The following INPP4B variants were observed in gnomAD, a reference collection of about 807,000 sequenced individuals.
INPP4B encodes the protein inositol polyphosphate-4-phosphatase type II B, also known as inositol polyphosphate 4-phosphatase type II.
Under a neutral mutation model 122.5 loss-of-function variants are expected in INPP4B, and 55 were observed. The observed-to-expected ratio is 0.45, with a 90% CI of 0.36 to 0.56. INPP4B has a LOEUF of 0.56. Ranked by LOEUF, INPP4B falls within the 20% of genes least tolerant of loss-of-function variation. The pLI is 0.00. For missense variants in INPP4B, 1,000 were observed against 1,097.7 expected, an observed-to-expected ratio of 0.91 and a Z score of 1.26; for synonymous variants, 403 against 388.7, an observed-to-expected ratio of 1.04 and a Z score of -0.43.
chr4:142,337,670 T>C (rs1353379819), intron 7 of INPP4B, among the ~76,000 whole-genome samples: 1 of 138,204 alleles, frequency 7.2e-6, no homozygotes. Flanking sequence ...GCATCCTTTA[T>C]TCATTATATA....
At chr4:142,251,211 T>C (rs550990368) in intron 11 of INPP4B, among the ~76,000 whole-genome samples, 1 of 152,170 alleles carries the variant, frequency 6.6e-6, no homozygotes, top group East Asian at 1.9e-4. Flanking sequence ...CTTCTTTTTG[T>C]GCATATAAAA....
At chr4:142,543,092 A>T (rs1829127059) in intron 2 of INPP4B, among the ~76,000 whole-genome samples, 4 of 152,194 alleles carry the variant, frequency 2.6e-5, no homozygotes, top group African/African-American at 9.6e-5. Flanking sequence ...CCTATTTCTC[A>T]AAGTATTGAT....
chr4:142,625,827 C>T (rs983801925), intron 2 of INPP4B, among the ~76,000 whole-genome samples: 13 of 151,994 alleles, frequency 8.6e-5, no homozygotes, highest in South Asian at 2.1e-4. Flanking sequence ...GAAATAATGC[C>T]GCATACCTAC....
At chr4:142,552,445 AAAG>A (rs1402294374) in intron 2 of INPP4B, among the ~76,000 whole-genome samples, 9 of 151,970 alleles carry the variant, frequency 5.9e-5, no homozygotes, top group South Asian at 4.2e-4. Context: ...AAAAAAACAA[AAAG>A]AAGAAGAAGT....
chr4:142,690,317 G>A (rs746450506), intron 2 of INPP4B, among the ~76,000 whole-genome samples: 14 of 152,146 alleles, frequency 9.2e-5, no homozygotes, highest in Non-Finnish European at 1.3e-4. Flanking sequence ...TGTTCTTTTG[G>A]ACTAGGGAAG....
chr4:142,433,403 C>T (rs1235116583), intron 3 of INPP4B, among the ~76,000 whole-genome samples: 4 of 152,234 alleles, frequency 2.6e-5, no homozygotes, highest in African/African-American at 9.6e-5. Flanking sequence ...AGAAGAGGTA[C>T]AAGCTGAATG....
intron 2 of INPP4B, among the ~76,000 whole-genome samples, chr4:142,515,265 T>C (rs938594633): frequency 1.1e-4 from 16 of 152,178 alleles, no homozygotes; most frequent in African/African-American, 2.9e-4. Flanking sequence ...CTCAGATGAA[T>C]TGTTTAACAT....
At position 142,258,235 on chromosome 4, in the gene INPP4B, A is replaced by C. The variant is rs571630160; in HGVS notation, c.688+2257T>G. ...GATTAAAGACTTAAACGTTACACCTAAAACCATAAAAACCCTAGAAGAAAA... is the reference window on the plus strand; with the variant it reads ...GATTAAAGACTTAAACGTTACACCTCAAACCATAAAAACCCTAGAAGAAAA... On this transcript the variant is annotated intron_variant, in intron 11 of 25. Coordinates refer to ENST00000262992, the MANE Select transcript of INPP4B (RefSeq NM_001101669.3). 1.5e-4 allele frequency among the ~76,000 whole-genome samples: 23 copies of C among 152,332 alleles called. No individual in the cohort carries two copies. The South Asian group carries it at 4.8e-3, about 32-fold the overall frequency.
intron 1 of INPP4B, among the ~76,000 whole-genome samples, chr4:142,740,964 G>T (rs957191252): frequency 6.6e-6 from 1 of 151,814 alleles, no homozygotes; most frequent in Non-Finnish European, 1.5e-5. Context: ...TAATAAGTTC[G>T]CAATCCAAAA....
intron 2 of INPP4B, among the ~76,000 whole-genome samples, chr4:142,689,697 A>G (rs1759881236): frequency 6.6e-6 from 1 of 152,204 alleles, no homozygotes; most frequent in Non-Finnish European, 1.5e-5. Context: ...ACCTAAATGG[A>G]TGGTATAAAA....
intron 7 of INPP4B, among the ~76,000 whole-genome samples, chr4:142,321,688 C>G (rs534421707): frequency 2.1e-4 from 32 of 152,084 alleles, no homozygotes; most frequent in South Asian, 2.1e-3. Flanking sequence ...AATAGAGTGT[C>G]CTTTCCCTAC....
At chr4:142,238,111 T>C in intron 11 of INPP4B, 100 bp from the exon 12 acceptor site, 1 of 543,530 alleles carries the variant, frequency 1.8e-6, no homozygotes, top group Non-Finnish European at 3.2e-6. Context: ...ATTTTTATTA[T>C]TCATTTGATC....
At chr4:142,495,142 C>G (rs1190065302) in intron 2 of INPP4B, among the ~76,000 whole-genome samples, 1 of 152,034 alleles carries the variant, frequency 6.6e-6, no homozygotes, top group Non-Finnish European at 1.5e-5. Context: ...TTAATTAATA[C>G]ATATGTTAGT....
At chr4:142,252,868 T>G (rs1733071180) in intron 11 of INPP4B, among the ~76,000 whole-genome samples, 1 of 152,186 alleles carries the variant, frequency 6.6e-6, no homozygotes, top group Non-Finnish European at 1.5e-5. Flanking sequence ...TTTATAGTCG[T>G]GTAGTTTAAC....
intron 5 of INPP4B, among the ~76,000 whole-genome samples, chr4:142,428,448 A>G (rs1257305939): frequency 3.3e-5 from 5 of 151,800 alleles, no homozygotes; most frequent in Non-Finnish European, 7.4e-5. Flanking sequence ...GGAAAAAAAA[A>G]AAAAGACCAG....
At chr4:142,123,514 T>C in intron 19 of INPP4B, 99 bp from the exon 20 acceptor site, 1 of 1,114,904 alleles carries the variant, frequency 9.0e-7, no homozygotes, top group Non-Finnish European at 1.3e-6. Flanking sequence ...GATTCGATTA[T>C]CAGGTATGTA....
At chr4:142,155,318 T>A (rs1816609607) in intron 17 of INPP4B, among the ~76,000 whole-genome samples, 1 of 152,184 alleles carries the variant, frequency 6.6e-6, no homozygotes. Context: ...CACAGGTACC[T>A]CTGCATTATG....
In INPP4B at chr4:142,640,723, A is replaced by C. The variant is rs138174308; in HGVS notation, c.-191+85116T>G. On this transcript the variant is annotated intron_variant, in intron 2 of 25. Coordinates refer to ENST00000262992, the MANE Select transcript of INPP4B (RefSeq NM_001101669.3). ...ACACATACAACCAATAATTCCTAAC[A>C]ATTAAAATAGACAACATAATAGAAA... Among the ~76,000 whole-genome samples the C allele has an allele frequency of 2.6e-3, 402 of 152,204 alleles. 6 individuals are homozygous for C. Among genetic ancestry groups the C allele is most frequent in the East Asian group, 0.018 (94 of 5,182 alleles).
At chr4:142,140,825 A>G (rs542371584) in intron 18 of INPP4B, among the ~76,000 whole-genome samples, 103 of 152,338 alleles carry the variant, frequency 6.8e-4, no homozygotes, top group Admixed American at 3.8e-3. Context: ...TATGGATATC[A>G]GTAGAATTAG....
Sources: allele counts gnomAD v4.1 joint callset (sites outside exome capture counted in the v4.1 genomes callset), GRCh38; gene constraint gnomAD v4.1.1; transcripts MANE v1.5; gene names NCBI Gene and HGNC (gene_info 2026-07-23, HGNC 2026-07-21).